KANSL1: variants seen among roughly 807,000 people sequenced by gnomAD.
KANSL1 encodes the protein KAT8 regulatory NSL complex subunit 1, also known as MLL1/MLL complex subunit KANSL1.
A neutral mutation model predicts 103.6 loss-of-function variants in KANSL1; 22 were observed. That is an observed-to-expected ratio of 0.21 (90% CI 0.15 to 0.30). The LOEUF is 0.30. KANSL1 is among the 10% of genes least tolerant of loss of function. The pLI, the probability that KANSL1 is intolerant of heterozygous loss-of-function variation, is 1.00. For synonymous variants in KANSL1, 600 were observed against 527.6 expected (o/e 1.14, Z -1.88); for missense variants, 1,337 against 1,399.8 (o/e 0.96, Z 0.72).
chr17:46,213,404 C>T (rs1436312669), intron 1 of KANSL1, among the ~76,000 whole-genome samples: 1 of 151,988 alleles, frequency 6.6e-6, no homozygotes, highest in Non-Finnish European at 1.5e-5. Context: ...GGGTTCACAC[C>T]ATTCTCCTGC....
intron 4 of KANSL1, among the ~76,000 whole-genome samples, chr17:46,073,961 T>C (rs2078668533): frequency 6.6e-6 from 1 of 152,136 alleles, no homozygotes; most frequent in South Asian, 2.1e-4. Flanking sequence ...GTTTTTTATA[T>C]ATATATACAG....
intron 7 of KANSL1, chr17:46,041,018 G>A (rs984302114): frequency 6.6e-6 from 1 of 152,180 alleles, no homozygotes; most frequent in Admixed American, 6.5e-5. Flanking sequence ...CCAAAATACT[G>A]ATAGAAATAC....
chr17:46,192,446 G>C (rs2047382460), intron 1 of KANSL1: 1 of 152,676 alleles, frequency 6.5e-6, no homozygotes, highest in Non-Finnish European at 1.5e-5. Context: ...TGTGTGTTTC[G>C]AGCAGAGAAA....
intron 2 of KANSL1, among the ~76,000 whole-genome samples, chr17:46,115,053 C>G (rs528812377): frequency 4.5e-4 from 69 of 151,856 alleles, no homozygotes; most frequent in South Asian, 4.0e-3. Context: ...TTTGTAAACC[C>G]AAGTTTTATT....
intron 7 of KANSL1, among the ~76,000 whole-genome samples, chr17:46,048,557 G>A (rs929674557): frequency 6.6e-6 from 1 of 152,070 alleles, no homozygotes; most frequent in Non-Finnish European, 1.5e-5. Context: ...ACAAAAGCGA[G>A]ACTCTGTCTC....
intron 2 of KANSL1, among the ~76,000 whole-genome samples, chr17:46,151,608 T>C (rs1032537694): frequency 6.6e-6 from 1 of 152,272 alleles, no homozygotes; most frequent in Non-Finnish European, 1.5e-5. Flanking sequence ...TAATATCTTA[T>C]TGGCTGCTGT....
chr17:46,114,835 G>A (rs2042974523), intron 2 of KANSL1, among the ~76,000 whole-genome samples: 1 of 152,204 alleles, frequency 6.6e-6, no homozygotes, highest in Non-Finnish European at 1.5e-5. Flanking sequence ...GTGTATAACA[G>A]AAATGTTCAT....
chr17:46,105,927 AC>A (rs879742486), intron 2 of KANSL1, among the ~76,000 whole-genome samples: 2,226 of 100,916 alleles, frequency 0.022, 44 homozygotes, highest in Admixed American at 0.048. Flanking sequence ...ACACACACAC[AC>A]ACACACACAC....
intron 1 of KANSL1, among the ~76,000 whole-genome samples, chr17:46,201,454 G>C (rs2047801695): frequency 6.6e-6 from 1 of 152,166 alleles, no homozygotes; most frequent in Non-Finnish European, 1.5e-5. Context: ...TCCAAAATCT[G>C]AAACTTTTTG....
chr17:46,106,280 T>C (rs549329342), intron 2 of KANSL1, among the ~76,000 whole-genome samples: 4 of 152,354 alleles, frequency 2.6e-5, no homozygotes, highest in African/African-American at 9.6e-5. Flanking sequence ...CCAGGAATAA[T>C]GCTCCAACTT....
chr17:46,031,698 G>C lies in KANSL1; in HGVS notation c.3096C>G (p.Val1032=). ...TPELGLDEQS[V]QPWERRTFPL... ...GGAAGGTCCGCCGCTCCCAGGGCTG[G>C]ACAGACTGTAGGCAGACAAGTTGCT... The change falls in exon 15 of 15, where the codon GTC becomes GTG. Residue 1032 remains valine (V), a synonymous_variant. Coordinates refer to ENST00000432791, the MANE Select transcript of KANSL1 (RefSeq NM_015443.4). The C allele has an allele frequency of 6.2e-7, 1 of 1,601,926 alleles. No homozygotes were observed. The highest frequency in any genetic ancestry group is 8.5e-7 in the Non-Finnish European group (1 of 1,170,754).
chr17:46,058,137 G>A (rs879784509), intron 6 of KANSL1, among the ~76,000 whole-genome samples: 5 of 152,204 alleles, frequency 3.3e-5, no homozygotes, highest in Admixed American at 3.3e-4. Flanking sequence ...ATTCTTGAGA[G>A]GAGGAAGCTT....
intron 4 of KANSL1, among the ~76,000 whole-genome samples, chr17:46,078,677 T>C (rs1343170650): frequency 1.3e-5 from 2 of 152,144 alleles, no homozygotes; most frequent in Non-Finnish European, 2.9e-5. Context: ...CTGACATTGT[T>C]GAGTAATTTA....
At chr17:46,166,665 AAC>A (rs2046017436) in intron 2 of KANSL1, among the ~76,000 whole-genome samples, 1 of 152,230 alleles carries the variant, frequency 6.6e-6, no homozygotes, top group Admixed American at 6.5e-5. Context: ...TATTAGACAA[AAC>A]ACAGGTTAGC....
intron 2 of KANSL1, among the ~76,000 whole-genome samples, chr17:46,119,815 T>C (rs1017888750): frequency 6.6e-6 from 1 of 152,250 alleles, no homozygotes; most frequent in African/African-American, 2.4e-5. Flanking sequence ...TTTATTTCAA[T>C]TGACCTAAAT....
chr17:46,134,486 A>G (rs2044021483), intron 2 of KANSL1, among the ~76,000 whole-genome samples: 1 of 152,234 alleles, frequency 6.6e-6, no homozygotes, highest in Non-Finnish European at 1.5e-5. Flanking sequence ...GAACTTCAGA[A>G]AGGAGATAGA....
intron 2 of KANSL1, among the ~76,000 whole-genome samples, chr17:46,108,245 C>G (rs1232528807): frequency 2.6e-5 from 4 of 152,330 alleles, no homozygotes; most frequent in Middle Eastern, 3.4e-3. Flanking sequence ...TCTCTGGCCT[C>G]ATCTCCTGTT....
At chr17:46,214,261 C>A (rs2048269778) in intron 1 of KANSL1, among the ~76,000 whole-genome samples, 1 of 152,224 alleles carries the variant, frequency 6.6e-6, no homozygotes, top group South Asian at 2.1e-4. Flanking sequence ...CTGGCAAATG[C>A]ATGTGACTCT....
Position 46,083,618 on chromosome 17 carries a change from T to C in KANSL1, c.1432-1076A>G, listed in dbSNP as rs531225464. Among the ~76,000 whole-genome samples the C allele has an allele frequency of 2.6e-5, 4 of 152,218 alleles. No individual in the cohort carries two copies. The South Asian group carries it at 8.3e-4, about 32-fold the overall frequency. On this transcript the variant is annotated intron_variant, in intron 3 of 14. Coordinates refer to ENST00000432791, the MANE Select transcript of KANSL1 (RefSeq NM_015443.4). ...CCCCACTATGTTACCGAGGCTGATC[T>C]CAAACTCCTGGGCTCCAGCAATCCT...
Sources: allele counts gnomAD v4.1 joint callset (sites outside exome capture counted in the v4.1 genomes callset), GRCh38; gene constraint gnomAD v4.1.1; transcripts MANE v1.5; gene names NCBI Gene and HGNC (gene_info 2026-07-23, HGNC 2026-07-21).